Variants in NLGN1 observed in about 807,000 individuals in gnomAD.
The protein encoded by NLGN1 is neuroligin 1, also known as neuroligin-1.
In NLGN1, 12 loss-of-function variants were observed where a neutral mutation model predicts 65.5. The ratio of observed to expected loss-of-function variants is 0.18; its 90% CI spans 0.12 to 0.30. The LOEUF (loss-of-function observed/expected upper bound fraction) is 0.30. NLGN1 is among the 10% of genes least tolerant of loss of function. The pLI is 1.00. For synonymous variants in NLGN1, 350 were observed against 359.5 expected (o/e 0.97, Z 0.30); for missense variants, 750 against 1,007.1 (o/e 0.74, Z 3.46).
chr3:173,402,329 CTGAT>C (rs2148609974), intron 1 of NLGN1, among the ~76,000 whole-genome samples: 1 of 152,202 alleles, frequency 6.6e-6, no homozygotes, highest in South Asian at 2.1e-4. Flanking sequence ...ATGATCTTGT[CTGAT>C]TGATTGTAAT....
chr3:173,829,931 C>T (rs1343979193), intron 4 of NLGN1, among the ~76,000 whole-genome samples: 1 of 149,924 alleles, frequency 6.7e-6, no homozygotes, highest in African/African-American at 2.5e-5. Context: ...GCTAATTGAT[C>T]CAAACGTGCC....
At chr3:173,781,677 A>T (rs1328736911) in intron 3 of NLGN1, among the ~76,000 whole-genome samples, 1 of 152,204 alleles carries the variant, frequency 6.6e-6, no homozygotes, top group Non-Finnish European at 1.5e-5. Context: ...AGGAGGGGTT[A>T]ACTCCCCGTG....
At position 174,229,755 on chromosome 3, in the gene NLGN1, A is replaced by G. The variant is rs541514215; in HGVS notation, c.647-45560A>G. On this transcript the variant is annotated intron_variant, in intron 4 of 6. Transcript: ENST00000457714. ...ACATAACAAAATTCCATTTTACTGT[A>G]ATTGCGACTATGTGATGTTGCTTTT... Among the ~76,000 whole-genome samples the G allele has an allele frequency of 3.9e-5, 6 of 152,322 alleles. No homozygotes were observed. In the South Asian group the frequency reaches 1.2e-3, roughly 32 times the overall value.
intron 4 of NLGN1, among the ~76,000 whole-genome samples, chr3:173,970,780 C>T (rs767649441): frequency 3.9e-5 from 6 of 152,072 alleles, no homozygotes; most frequent in African/African-American, 1.2e-4. Context: ...CCTGGTACAT[C>T]GTTACTGTGC....
intron 4 of NLGN1, among the ~76,000 whole-genome samples, chr3:174,148,241 T>TGTTA (rs1473304909): frequency 6.6e-6 from 1 of 152,172 alleles, no homozygotes; most frequent in Non-Finnish European, 1.5e-5. Context: ...CTTGTGAATG[T>TGTTA]GTTAGGTTTC....
At chr3:173,768,721 C>T (rs1051403406) in intron 3 of NLGN1, among the ~76,000 whole-genome samples, 14 of 152,130 alleles carry the variant, frequency 9.2e-5, no homozygotes, top group African/African-American at 2.9e-4. Context: ...AAGTTCCTAA[C>T]GTTACAACTA....
chr3:174,041,882 T>G (rs1732392258), intron 4 of NLGN1, among the ~76,000 whole-genome samples: 1 of 152,108 alleles, frequency 6.6e-6, no homozygotes, highest in Non-Finnish European at 1.5e-5. Context: ...GGTGAAACTC[T>G]GTCTCTGCTA....
chr3:174,291,392 C>T (rs539328841), downstream of NLGN1, among the ~76,000 whole-genome samples: 4 of 151,132 alleles, frequency 2.6e-5, no homozygotes, highest in African/African-American at 9.7e-5. Flanking sequence ...TCAAAAGGCA[C>T]ACTGAATATA....
At chr3:173,868,522 G>T (rs1730609100) in intron 4 of NLGN1, among the ~76,000 whole-genome samples, 1 of 152,116 alleles carries the variant, frequency 6.6e-6, no homozygotes, top group African/African-American at 2.4e-5. Context: ...GAATAAAAAT[G>T]CACTTAGACA....
intron 4 of NLGN1, among the ~76,000 whole-genome samples, chr3:174,066,564 C>CTGTGTGTGTG (rs761468491): frequency 1.9e-4 from 19 of 100,096 alleles, no homozygotes; most frequent in African/African-American, 4.1e-4. Context: ...CTCTCTCTCT[C>CTGTGTGTGTG]TGTGTGTGTG....
chr3:174,124,568 C>T (rs1013539586), intron 4 of NLGN1, among the ~76,000 whole-genome samples: 11 of 128,614 alleles, frequency 8.6e-5, no homozygotes, highest in Non-Finnish European at 1.3e-4. Context: ...CGTATATATA[C>T]GTATACACAT....
intron 2 of NLGN1, among the ~76,000 whole-genome samples, chr3:173,463,962 A>G (rs896537343): frequency 4.6e-5 from 7 of 152,010 alleles, no homozygotes; most frequent in Admixed American, 4.6e-4. Flanking sequence ...AAATTCAAGC[A>G]TATTATGGTA....
intron 1 of NLGN1, among the ~76,000 whole-genome samples, chr3:173,427,684 A>G (rs1716380546): frequency 6.6e-6 from 1 of 151,974 alleles, no homozygotes; most frequent in South Asian, 2.1e-4. Context: ...GATACTTGAT[A>G]TGATTTCTAC....
chr3:173,466,610 C>T (rs998145491), intron 2 of NLGN1, among the ~76,000 whole-genome samples: 1 of 152,092 alleles, frequency 6.6e-6, no homozygotes, highest in Non-Finnish European at 1.5e-5. Flanking sequence ...AAATATTTTG[C>T]AACTTTTATG....
At chr3:173,983,630 T>C (rs1164460234) in intron 4 of NLGN1, among the ~76,000 whole-genome samples, 1 of 152,100 alleles carries the variant, frequency 6.6e-6, no homozygotes, top group South Asian at 2.1e-4. Flanking sequence ...CTCTGACTCG[T>C]GCCCAGTATG....
At chr3:173,932,296 GT>G (rs1744242860) in intron 4 of NLGN1, among the ~76,000 whole-genome samples, 1 of 151,988 alleles carries the variant, frequency 6.6e-6, no homozygotes, top group African/African-American at 2.4e-5. Flanking sequence ...TTAGTTTTCA[GT>G]TTTTTCCTTA....
chr3:173,853,294 C>T (rs1727334678), intron 4 of NLGN1, among the ~76,000 whole-genome samples: 1 of 152,032 alleles, frequency 6.6e-6, no homozygotes, highest in Admixed American at 6.6e-5. Flanking sequence ...TGTGATGTTC[C>T]CATTGCTGAT....
At chr3:173,850,146 C>CA (rs1726608743) in intron 4 of NLGN1, among the ~76,000 whole-genome samples, 1 of 152,112 alleles carries the variant, frequency 6.6e-6, no homozygotes. Context: ...GACATCCTTC[C>CA]AAGCATCAAT....
intron 4 of NLGN1, among the ~76,000 whole-genome samples, chr3:173,944,969 T>A (rs1436490712): frequency 6.6e-6 from 1 of 152,128 alleles, no homozygotes; most frequent in African/African-American, 2.4e-5. Flanking sequence ...CAAACTTTGA[T>A]GGTGAAGAGA....
Sources: gnomAD v4.1 joint callset for allele counts (sites outside exome capture counted in the v4.1 genomes callset) on GRCh38, gnomAD v4.1.1 for gene constraint, MANE v1.5 for transcripts, NCBI Gene and HGNC (gene_info 2026-07-23, HGNC 2026-07-21) for gene names.